ROCK1: variants seen among roughly 807,000 people sequenced by gnomAD.
The protein encoded by ROCK1 is Rho associated coiled-coil containing protein kinase 1.
Under a neutral mutation model 196.8 loss-of-function variants are expected in ROCK1, and 36 were observed. The observed-to-expected ratio is 0.18, with a 90% CI of 0.14 to 0.24. The LOEUF is 0.24. Ranked by LOEUF, ROCK1 falls within the 10% of genes least tolerant of loss-of-function variation. The pLI is 1.00. For synonymous variants in ROCK1, 443 were observed against 515.9 expected (o/e 0.86, Z 1.91); for missense variants, 920 against 1,562.0 (o/e 0.59, Z 6.93).
In ROCK1 at chr18:21,006,332, C is replaced by CGT; in HGVS notation, c.1885+18_1885+19insAC. 3.2e-6 allele frequency: 5 copies of CGT among 1,585,100 alleles called. No homozygotes were observed. Among genetic ancestry groups the CGT allele is most frequent in the Non-Finnish European group, 4.3e-6 (5 of 1,166,112 alleles). On this transcript the variant is annotated intron_variant, in intron 16 of 32. Transcript: ENST00000399799. ...ATTTCATGTTACGTATATTTTACCA[C>CGT]AATAAGAAAAAATATTACCTTGAAG...
chr18:21,035,851 C>A (rs758199225), intron 9 of ROCK1, among the ~76,000 whole-genome samples: 4 of 152,040 alleles, frequency 2.6e-5, no homozygotes, highest in Non-Finnish European at 5.9e-5. Flanking sequence ...TCTACTTAAA[C>A]GAAACACCCT....
chr18:20,973,020 C>T (rs946042677), intron 22 of ROCK1, among the ~76,000 whole-genome samples: 1 of 152,112 alleles, frequency 6.6e-6, no homozygotes, highest in African/African-American at 2.4e-5. Flanking sequence ...GTTGGGATTA[C>T]AGGCATGTGC....
chr18:21,030,208 T>G (rs576607500), intron 9 of ROCK1, among the ~76,000 whole-genome samples: 3 of 152,238 alleles, frequency 2.0e-5, no homozygotes, highest in African/African-American at 7.2e-5. Flanking sequence ...TTGCCGCCCT[T>G]GGGAAATACA....
chr18:21,048,672 C>T (rs2036180739), intron 4 of ROCK1, among the ~76,000 whole-genome samples: 1 of 151,158 alleles, frequency 6.6e-6, no homozygotes. Context: ...GCTTCAGCCT[C>T]CCCAGTAGCT....
chr18:21,082,256 T>C (rs2036488789), intron 1 of ROCK1, among the ~76,000 whole-genome samples: 1 of 152,076 alleles, frequency 6.6e-6, no homozygotes, highest in African/African-American at 2.4e-5. Flanking sequence ...TACCAAACGT[T>C]TAAAGAAGAA....
rs1436594357 is a variant in ROCK1, at chr18:21,078,381, G to C, written c.94-7768C>G. ...ACACACACACACACACACAGAGAGAGAGAGAGAGAGAGAGAGAGAACCTAG... is the reference window on the plus strand; with the variant it reads ...ACACACACACACACACACAGAGAGACAGAGAGAGAGAGAGAGAGAACCTAG... On this transcript the variant is annotated intron_variant, in intron 1 of 32. Coordinates refer to ENST00000399799, the MANE Select transcript of ROCK1 (RefSeq NM_005406.3). Among the ~76,000 whole-genome samples the C allele has an allele frequency of 6.5e-3, 960 of 148,048 alleles. 18 individuals carry two copies. The highest frequency in any genetic ancestry group is 0.023 in the African/African-American group (914 of 39,512).
intron 27 of ROCK1, among the ~76,000 whole-genome samples, chr18:20,962,372 A>T (rs935850124): frequency 2.0e-5 from 3 of 152,214 alleles, no homozygotes; most frequent in Non-Finnish European, 4.4e-5. Context: ...ATATCTGATA[A>T]TACAAAGTTG....
At chr18:21,042,060 T>G in intron 8 of ROCK1, 37 bp downstream of exon 8, 2 of 1,574,028 alleles carry the variant, frequency 1.3e-6, no homozygotes, top group Non-Finnish European at 1.7e-6. Flanking sequence ...TGAGAAGTCC[T>G]CAGAATTAAT....
intron 1 of ROCK1, 53 bp downstream of exon 1, chr18:21,110,765 G>A (rs1555757605): frequency 2.9e-6 from 4 of 1,396,878 alleles, no homozygotes; most frequent in Non-Finnish European, 3.1e-6. Context: ...AATGCAAGAG[G>A]AAGGAAAGAC....
intron 12 of ROCK1, among the ~76,000 whole-genome samples, chr18:21,018,518 G>A (rs1258157738): frequency 2.7e-5 from 4 of 146,402 alleles, no homozygotes; most frequent in African/African-American, 1.0e-4. Context: ...GGACAAGAGT[G>A]AGATTTCGTC....
chr18:21,037,210 T>G (rs1240262565), intron 9 of ROCK1, among the ~76,000 whole-genome samples: 3 of 152,182 alleles, frequency 2.0e-5, no homozygotes, highest in Non-Finnish European at 4.4e-5. Context: ...TGTTAAAATC[T>G]TCATACTTTG....
At chr18:21,043,201 T>C (rs1266755965) in intron 6 of ROCK1, among the ~76,000 whole-genome samples, 2 of 152,124 alleles carry the variant, frequency 1.3e-5, no homozygotes, top group African/African-American at 4.8e-5. Flanking sequence ...GCTATTTAAC[T>C]ATGTTTGAAA....
chr18:20,994,899 T>C (rs2035657545), intron 16 of ROCK1, among the ~76,000 whole-genome samples: 1 of 152,218 alleles, frequency 6.6e-6, no homozygotes, highest in African/African-American at 2.4e-5. Context: ...CTAGGTATCA[T>C]AATCTAAGTT....
At chr18:20,966,714 T>C (rs576007560) in intron 27 of ROCK1, among the ~76,000 whole-genome samples, 1 of 152,300 alleles carries the variant, frequency 6.6e-6, no homozygotes, top group South Asian at 2.1e-4. Context: ...TCTATTTAAA[T>C]AGCCTAAGAT....
intron 1 of ROCK1, among the ~76,000 whole-genome samples, chr18:21,101,948 T>A (rs939166121): frequency 7.9e-5 from 12 of 152,164 alleles, no homozygotes; most frequent in African/African-American, 2.9e-4. Flanking sequence ...TTTAAAATAT[T>A]TTGGTAAGAA....
At chr18:21,020,604 A>G (rs142731886) in intron 11 of ROCK1, among the ~76,000 whole-genome samples, 7 of 152,342 alleles carry the variant, frequency 4.6e-5, no homozygotes, top group Admixed American at 1.3e-4. Flanking sequence ...GGAGTGTTCC[A>G]AAGGAGAGAA....
rs1436825756 is a variant in ROCK1, at chr18:21,070,774, T to C, written c.94-161A>G. On this transcript the variant is annotated intron_variant, in intron 1 of 32. Transcript: ENST00000399799. Reference sequence around the variant, plus strand: ...GGTTAGATGAGTACTGGGAGAAAAGTGGTTTTCATTTCATATGCAGTTCTT... The same window carrying C: ...GGTTAGATGAGTACTGGGAGAAAAGCGGTTTTCATTTCATATGCAGTTCTT... Among the ~76,000 whole-genome samples the C allele has an allele frequency of 3.3e-5, 5 of 152,346 alleles. No homozygotes were observed. In the East Asian group the frequency reaches 5.8e-4, roughly 18 times the overall value.
rs1165835417 is a variant in ROCK1, at chr18:20,949,192, T to C, written c.*2192A>G. On this transcript the variant is annotated 3_prime_UTR_variant, in exon 33 of 33. Coordinates refer to ENST00000399799, the MANE Select transcript of ROCK1 (RefSeq NM_005406.3). Reference sequence around the variant, plus strand: ...CTTAAACTAATTAGAATTAACTCTGTTCTCTGCAACTGGACCTTAAAATAT... The same window carrying C: ...CTTAAACTAATTAGAATTAACTCTGCTCTCTGCAACTGGACCTTAAAATAT... 2 of 152,112 alleles carry C rather than the reference T, an allele frequency of 1.3e-5. No individual in the cohort carries two copies. Among genetic ancestry groups the C allele is most frequent in the African/African-American group, 4.8e-5 (2 of 41,412 alleles). 9.4% of individuals were successfully genotyped at this position (152,112 alleles called of 1,614,324 possible).
Position 20,951,050 on chromosome 18 carries a change from A to G in ROCK1, c.*334T>C. On this transcript the variant is annotated 3_prime_UTR_variant, in exon 33 of 33. Coordinates refer to ENST00000399799, the MANE Select transcript of ROCK1 (RefSeq NM_005406.3). Reference sequence around the variant, plus strand: ...AAGTGAAAGTCCCTTCCTCTTACTCATATGAGGAAAACTCTGTTCTATCAC... The same window carrying G: ...AAGTGAAAGTCCCTTCCTCTTACTCGTATGAGGAAAACTCTGTTCTATCAC... 9.0e-6 allele frequency: 2 copies of G among 222,684 alleles called. No homozygotes were observed. The highest frequency in any genetic ancestry group is 1.8e-5 in the Non-Finnish European group (2 of 114,196). 13.8% of individuals were successfully genotyped at this position (222,684 alleles called of 1,614,324 possible). A position where few individuals can be genotyped will look rare whatever the true frequency, so the allele number is the denominator to read the frequency against.
Sources: gnomAD v4.1 joint callset for allele counts (sites outside exome capture counted in the v4.1 genomes callset) on GRCh38, gnomAD v4.1.1 for gene constraint, MANE v1.5 for transcripts, NCBI Gene and HGNC (gene_info 2026-07-23, HGNC 2026-07-21) for gene names.